HIBADH: variants seen among roughly 807,000 people sequenced by gnomAD.
HIBADH encodes 3-hydroxyisobutyrate dehydrogenase, mitochondrial.
Under a neutral mutation model 36.1 loss-of-function variants are expected in HIBADH, and 25 were observed. The ratio of observed to expected loss-of-function variants is 0.69; its 90% confidence interval spans 0.50 to 0.97. The LOEUF is 0.97. HIBADH is among the 50% of genes least tolerant of loss of function. The pLI, the probability that HIBADH is intolerant of heterozygous loss-of-function variation, is 0.00. For missense variants in HIBADH, 421 were observed against 418.0 expected (o/e 1.01, Z -0.06); for synonymous variants, 160 against 149.5 (o/e 1.07, Z -0.51).
intron 5 of HIBADH, among the ~76,000 whole-genome samples, chr7:27,538,849 G>A (rs184090533): frequency 1.3e-5 from 2 of 152,260 alleles, no homozygotes; most frequent in African/African-American, 2.4e-5. Context: ...CAGGAACAGA[G>A]AGGAAGTGGA....
intron 4 of HIBADH, among the ~76,000 whole-genome samples, chr7:27,605,892 A>C (rs1785217740): frequency 6.6e-6 from 1 of 152,142 alleles, no homozygotes; most frequent in Non-Finnish European, 1.5e-5. Context: ...TGGCACAGAT[A>C]AATTCTTAGC....
chr7:27,643,078 G>A (rs964374883), intron 2 of HIBADH, among the ~76,000 whole-genome samples: 1 of 152,144 alleles, frequency 6.6e-6, no homozygotes, highest in African/African-American at 2.4e-5. Flanking sequence ...TCACATATTT[G>A]TGTAATTTGA....
intron 4 of HIBADH, among the ~76,000 whole-genome samples, chr7:27,614,842 C>G (rs1003004757): frequency 6.6e-6 from 1 of 152,110 alleles, no homozygotes; most frequent in African/African-American, 2.4e-5. Flanking sequence ...GGAAAGACCC[C>G]AAAAACTGGT....
intron 4 of HIBADH, among the ~76,000 whole-genome samples, chr7:27,603,247 GT>G (rs1198519191): frequency 3.9e-5 from 6 of 152,062 alleles, no homozygotes; most frequent in Non-Finnish European, 8.8e-5. Context: ...AATCCATAGT[GT>G]TAAAACTGCA....
intron 4 of HIBADH, among the ~76,000 whole-genome samples, chr7:27,599,378 TTTAA>T (rs1785085674): frequency 6.6e-6 from 1 of 152,206 alleles, no homozygotes; most frequent in East Asian, 1.9e-4. Flanking sequence ...TATTTCAATT[TTTAA>T]TTAGTTTTAA....
At chr7:27,601,090 G>A (rs950041325) in intron 4 of HIBADH, among the ~76,000 whole-genome samples, 9 of 152,098 alleles carry the variant, frequency 5.9e-5, no homozygotes, top group African/African-American at 2.2e-4. Context: ...AGCCTTCAAT[G>A]AAACCTATGT....
chr7:27,650,359 G>A (rs1258566736), intron 1 of HIBADH, among the ~76,000 whole-genome samples: 1 of 151,588 alleles, frequency 6.6e-6, no homozygotes, highest in Non-Finnish European at 1.5e-5. Context: ...GGGGTAGAAA[G>A]GGGAGATACC....
intron 4 of HIBADH, among the ~76,000 whole-genome samples, chr7:27,556,879 G>A (rs1209712717): frequency 2.6e-5 from 4 of 152,122 alleles, no homozygotes; most frequent in African/African-American, 9.7e-5. Context: ...ATATTTGGGA[G>A]GCCAAGGCAG....
At chr7:27,659,701 AAGAG>A (rs377478375) in intron 1 of HIBADH, among the ~76,000 whole-genome samples, 4 of 151,202 alleles carry the variant, frequency 2.6e-5, no homozygotes, top group African/African-American at 4.9e-5. Context: ...CAGCCTGGAC[AAGAG>A]AGAGAGAGAG....
intron 4 of HIBADH, among the ~76,000 whole-genome samples, chr7:27,624,232 G>A (rs954973117): frequency 6.6e-6 from 1 of 151,600 alleles, no homozygotes; most frequent in Non-Finnish European, 1.5e-5. Context: ...GACCAGAAAA[G>A]AGCCCGATTA....
chr7:27,541,148 T>TC (rs754028545), intron 5 of HIBADH, among the ~76,000 whole-genome samples: 85 of 146,312 alleles, frequency 5.8e-4, no homozygotes, highest in East Asian at 1.0e-3. Flanking sequence ...TTTTTTTTTT[T>TC]CTCCGTAATA....
chr7:27,641,118 T>C (rs948407334), intron 2 of HIBADH, among the ~76,000 whole-genome samples: 29 of 152,210 alleles, frequency 1.9e-4, no homozygotes. Flanking sequence ...AATCTGGCTG[T>C]ATCTATGTCA....
chr7:27,603,844 C>T (rs1436069757), intron 4 of HIBADH, among the ~76,000 whole-genome samples: 2 of 152,126 alleles, frequency 1.3e-5, no homozygotes, highest in East Asian at 3.9e-4. Context: ...AATCACATTT[C>T]GAGCTTTAAA....
intron 1 of HIBADH, among the ~76,000 whole-genome samples, chr7:27,653,531 C>T (rs1463397401): frequency 1.3e-5 from 2 of 152,008 alleles, no homozygotes; most frequent in Admixed American, 6.5e-5. Context: ...GTCAGGAGAT[C>T]GAGACCATCG....
intron 4 of HIBADH, among the ~76,000 whole-genome samples, chr7:27,563,477 T>A (rs916415403): frequency 6.6e-6 from 1 of 152,230 alleles, no homozygotes; most frequent in Non-Finnish European, 1.5e-5. Context: ...GCTTCCAAAT[T>A]GTTTTCCAAA....
At chr7:27,550,200 C>T (rs891573805) in intron 4 of HIBADH, among the ~76,000 whole-genome samples, 3 of 152,148 alleles carry the variant, frequency 2.0e-5, no homozygotes, top group Non-Finnish European at 2.9e-5. Context: ...TGAGTCACCA[C>T]GCCCAGCCAG....
At chr7:27,557,621 TA>T (rs1784411804) in intron 4 of HIBADH, among the ~76,000 whole-genome samples, 1 of 152,148 alleles carries the variant, frequency 6.6e-6, no homozygotes, top group African/African-American at 2.4e-5. Flanking sequence ...CTTGTTGCTG[TA>T]TCCCCTCCAG....
At chr7:27,576,779 T>C (rs1583577994) in intron 4 of HIBADH, among the ~76,000 whole-genome samples, 2 of 152,214 alleles carry the variant, frequency 1.3e-5, no homozygotes, top group East Asian at 1.9e-4. Flanking sequence ...TAACAAATTA[T>C]GATCGAGCAC....
intron 5 of HIBADH, among the ~76,000 whole-genome samples, chr7:27,540,199 G>C (rs1358253923): frequency 6.6e-6 from 1 of 152,068 alleles, no homozygotes; most frequent in East Asian, 1.9e-4. Context: ...ATCAGAGAAG[G>C]GTCCATGTTG....
Sources: gnomAD v4.1 joint callset for allele counts (sites outside exome capture counted in the v4.1 genomes callset) on GRCh38, gnomAD v4.1.1 for gene constraint, MANE v1.5 for transcripts, NCBI Gene and HGNC (gene_info 2026-07-23, HGNC 2026-07-21) for gene names.